The following SDK2 variants were observed in gnomAD, a reference collection of about 807,000 sequenced individuals.
SDK2 encodes the protein protein sidekick-2.
SDK2 carries 105 observed loss-of-function variants against 253.9 expected under a neutral mutation model. The observed-to-expected ratio is 0.41, with a 90% CI of 0.35 to 0.49. The LOEUF (loss-of-function observed/expected upper bound fraction) is 0.49, where lower values mean the gene tolerates loss of function less well. SDK2 is among the 20% of genes least tolerant of loss of function. SDK2 has a pLI of 0.06. For synonymous variants in SDK2, 1,249 were observed against 1,234.9 expected, an observed-to-expected ratio of 1.01 and a Z score of -0.24; for missense variants, 2,608 against 3,003.0, an observed-to-expected ratio of 0.87 and a Z score of 3.07.
intron 1 of SDK2, among the ~76,000 whole-genome samples, chr17:73,538,776 A>G (rs2044820230): frequency 6.6e-6 from 1 of 152,168 alleles, no homozygotes; most frequent in African/African-American, 2.4e-5. Context: ...TGCCACAGCC[A>G]TTTCGTCTCA....
At chr17:73,522,698 C>T (rs2064091837) in intron 1 of SDK2, among the ~76,000 whole-genome samples, 1 of 152,198 alleles carries the variant, frequency 6.6e-6, no homozygotes, top group South Asian at 2.1e-4. Context: ...ATTTAATCAG[C>T]ACCACCCCAC....
chr17:73,367,153 G>C (rs887423107), intron 37 of SDK2, among the ~76,000 whole-genome samples: 1 of 151,714 alleles, frequency 6.6e-6, no homozygotes, highest in Non-Finnish European at 1.5e-5. Flanking sequence ...GGAGAAGGGT[G>C]CACCACCATG....
chr17:73,628,652 G>C (rs961238879), intron 1 of SDK2, among the ~76,000 whole-genome samples: 13 of 152,220 alleles, frequency 8.5e-5, no homozygotes, highest in Admixed American at 8.5e-4. Context: ...CCCTAAACAA[G>C]CAGCCAGTTC....
chr17:73,487,209 C>T (rs1241091006), intron 2 of SDK2, among the ~76,000 whole-genome samples: 2 of 152,208 alleles, frequency 1.3e-5, no homozygotes, highest in African/African-American at 4.8e-5. Context: ...GCTGGGATTA[C>T]AAGTGTGAGC....
In SDK2 at chr17:73,337,125, A is replaced by G. The variant is rs2062386686; in HGVS notation, c.*1462T>C. 6.6e-6 allele frequency: 1 copy of G among 151,828 alleles called. No homozygotes were observed. Among genetic ancestry groups the G allele is most frequent in the Admixed American group, 6.6e-5 (1 of 15,204 alleles). 9.4% of individuals were successfully genotyped at this position (151,828 alleles called of 1,614,324 possible). On this transcript the variant is annotated 3_prime_UTR_variant, in exon 45 of 45. Transcript: ENST00000392650. Reference sequence around the variant, plus strand: ...TCAGCTATTCTTGTCACTTGGTCCCATCTGACCTGCCCCTGCTGGGCGTGC... The same window carrying G: ...TCAGCTATTCTTGTCACTTGGTCCCGTCTGACCTGCCCCTGCTGGGCGTGC...
At position 73,507,578 on chromosome 17, in the gene SDK2, G is replaced by A. The variant is rs1212503481; in HGVS notation, c.84C>T (p.Phe28=). 7.7e-6 allele frequency: 12 copies of A among 1,551,396 alleles called. No individual in the cohort carries two copies. Among genetic ancestry groups the A allele is most frequent in the Admixed American group, 2.0e-5 (1 of 50,974 alleles). Residue 28 remains phenylalanine (F), a synonymous_variant, in exon 2 of 45, where the codon TTC becomes TTT. Coordinates refer to ENST00000392650, the MANE Select transcript of SDK2 (RefSeq NM_001144952.2). ...ARAQDDVSPY[F]KTEPVRTQVH... ...CCTGTGTCCGCACAGGCTCTGTCTT[G>A]AAATACGGGGACACATCATCTGCAG...
At chr17:73,597,176 C>G (rs1319322035) in intron 1 of SDK2, among the ~76,000 whole-genome samples, 1 of 152,184 alleles carries the variant, frequency 6.6e-6, no homozygotes, top group Non-Finnish European at 1.5e-5. Flanking sequence ...TGGATATTTT[C>G]ATTCTCCTTC....
At chr17:73,426,013 C>T (rs1599555163) in intron 12 of SDK2, among the ~76,000 whole-genome samples, 1 of 152,002 alleles carries the variant, frequency 6.6e-6, no homozygotes, top group African/African-American at 2.4e-5. Flanking sequence ...GAATGGTATA[C>T]AGCAATCTAT....
chr17:73,380,915 G>A lies in SDK2; in HGVS notation c.4741C>T (p.Leu1581Phe). Reference sequence around the variant, plus strand: ...TTACTGTCCAGCTCGTACTGCGTGAGGCTGGGCCGGCTCAGGTTCCGCATG... The same window carrying A: ...TTACTGTCCAGCTCGTACTGCGTGAAGCTGGGCCGGCTCAGGTTCCGCATG... ...YSMRNLSRPS[L>F]TQYELDNLNK... Residue 1581 changes from leucine (L) to phenylalanine (F), a missense_variant, in exon 34 of 45, where the codon CTC becomes TTC. Leu to Phe is a conservative substitution (Grantham distance 22). Transcript: ENST00000392650. 6.4e-7 allele frequency: 1 copy of A among 1,569,116 alleles called. No homozygotes were observed. The highest frequency in any genetic ancestry group is 2.4e-5 in the East Asian group (1 of 42,354).
rs2062884510 is a variant in SDK2 at position 73,387,700 on chromosome 17, C to A, written c.4394+136G>T. On this transcript the variant is annotated intron_variant, in intron 30 of 44. Coordinates refer to ENST00000392650, the MANE Select transcript of SDK2 (RefSeq NM_001144952.2). ...GGGTGAGAGTGGACGCGGGGGCCGC[C>A]TGGGTGGTGCATGTAGGAGGAGAGC... The A allele has an allele frequency of 1.0e-4, 74 of 732,018 alleles. No individual in the cohort carries two copies. In the South Asian group the frequency reaches 1.4e-3, roughly 14 times the overall value. The allele number at this position is 732,018 out of a possible 1,614,324, so 45.3% of individuals were successfully genotyped here.
chr17:73,575,389 C>A (rs560083832), intron 1 of SDK2, among the ~76,000 whole-genome samples: 4 of 152,346 alleles, frequency 2.6e-5, no homozygotes, highest in East Asian at 1.9e-4. Flanking sequence ...TTCTTTCACT[C>A]GTTCATTCAC....
chr17:73,439,301 T>C (rs533416596), intron 6 of SDK2, among the ~76,000 whole-genome samples: 11 of 152,334 alleles, frequency 7.2e-5, no homozygotes, highest in Non-Finnish European at 1.5e-4. Flanking sequence ...ATAAACCTCT[T>C]TTCTTTGTAA....
intron 4 of SDK2, among the ~76,000 whole-genome samples, chr17:73,453,034 T>A (rs1045980385): frequency 1.3e-5 from 2 of 152,218 alleles, no homozygotes; most frequent in African/African-American, 4.8e-5. Flanking sequence ...GGGGTGCCAC[T>A]CCAATTCTTC....
intron 1 of SDK2, among the ~76,000 whole-genome samples, chr17:73,564,816 C>T (rs1431010603): frequency 7.5e-5 from 11 of 147,330 alleles, no homozygotes; most frequent in Non-Finnish European, 1.6e-4. Flanking sequence ...CAGAGAGAGA[C>T]TCTGTCTGAA....
rs998627635 is a variant in SDK2 at position 73,643,565 on chromosome 17, C to T, written c.64+460G>A. 1.3e-5 allele frequency among the ~76,000 whole-genome samples: 2 copies of T among 152,140 alleles called. No homozygotes were observed. Among genetic ancestry groups the T allele is most frequent in the Non-Finnish European group, 2.9e-5 (2 of 68,000 alleles). On this transcript the variant is annotated intron_variant, in intron 1 of 44. Coordinates refer to ENST00000392650, the MANE Select transcript of SDK2 (RefSeq NM_001144952.2). The surrounding 1 kb of genome is among the most constrained non-coding windows in gnomAD (Gnocchi z 6.9). ...CCCGGCATCCAGCGCTCGCCCACCCCACTCCCTCGCCCCGGGGAGGCCATC... is the reference window on the plus strand; with the variant it reads ...CCCGGCATCCAGCGCTCGCCCACCCTACTCCCTCGCCCCGGGGAGGCCATC...
At chr17:73,604,766 G>A (rs779125365) in intron 1 of SDK2, among the ~76,000 whole-genome samples, 1 of 152,170 alleles carries the variant, frequency 6.6e-6, no homozygotes, top group Non-Finnish European at 1.5e-5. Flanking sequence ...TGGGCGGTGG[G>A]GCTAAGGGAA....
At chr17:73,528,803 G>A (rs1547522) in intron 1 of SDK2, among the ~76,000 whole-genome samples, 8,781 of 152,172 alleles carry the variant, frequency 0.058, 736 homozygotes, top group African/African-American at 0.19. Context: ...TTTATTTCCC[G>A]GTGAGAGGAG....
rs1426817830 is a variant in SDK2 at position 73,472,103 on chromosome 17, T to G, written c.331+9A>C. 1.3e-6 allele frequency: 2 copies of G among 1,547,440 alleles called. No individual in the cohort carries two copies. Among genetic ancestry groups the G allele is most frequent in the African/African-American group, 2.7e-5 (2 of 72,928 alleles). On this transcript the variant is annotated intron_variant, in intron 3 of 44. Coordinates refer to ENST00000392650, the MANE Select transcript of SDK2 (RefSeq NM_001144952.2). Reference sequence around the variant, plus strand: ...GCCCCCCCTGCCCCTGGGTCCCCATTGTACTCACAGGCCACCTGGACCTCG... The same window carrying G: ...GCCCCCCCTGCCCCTGGGTCCCCATGGTACTCACAGGCCACCTGGACCTCG...
At chr17:73,362,250 T>C (rs768433792) in intron 38 of SDK2, among the ~76,000 whole-genome samples, 2 of 152,196 alleles carry the variant, frequency 1.3e-5, no homozygotes, top group Admixed American at 6.5e-5. Context: ...ACTAGAATTA[T>C]ATCCTTTTTC....
Sources: gnomAD v4.1 joint callset for allele counts (sites outside exome capture counted in the v4.1 genomes callset) on GRCh38, gnomAD v4.1.1 for gene constraint, Gnocchi (gnomAD v3.1) non-coding constraint, MANE v1.5 for transcripts, NCBI Gene and HGNC (gene_info 2026-07-23, HGNC 2026-07-21) for gene names.